DENND1B: variants seen among roughly 807,000 people sequenced by gnomAD.
DENND1B encodes the protein DENN domain containing 1B.
DENND1B carries 59 observed loss-of-function variants against 90.1 expected under a neutral mutation model. The ratio of observed to expected loss-of-function variants is 0.65; its 90% CI spans 0.53 to 0.81. The LOEUF (loss-of-function observed/expected upper bound fraction) is 0.81. DENND1B is among the 40% of genes least tolerant of loss of function. The pLI is 0.00. For synonymous variants in DENND1B, 337 were observed against 324.6 expected, an observed-to-expected ratio of 1.04 and a Z score of -0.41; for missense variants, 862 against 912.6, an observed-to-expected ratio of 0.94 and a Z score of 0.71.
At chr1:197,707,864 T>G (rs1221160855) in intron 3 of DENND1B, among the ~76,000 whole-genome samples, 3 of 147,358 alleles carry the variant, frequency 2.0e-5, no homozygotes, top group Admixed American at 2.0e-4. Context: ...CAGGCCAGTG[T>G]GTGTGCGCAC....
chr1:197,680,127 C>G (rs908996263), intron 3 of DENND1B, among the ~76,000 whole-genome samples: 1 of 152,024 alleles, frequency 6.6e-6, no homozygotes, highest in East Asian at 1.9e-4. Flanking sequence ...GGGACCCTCT[C>G]TCTTAAAAAA....
At chr1:197,762,075 T>TAAGG in intron 2 of DENND1B, 1 of 152,152 alleles carries the variant, frequency 6.6e-6, no homozygotes, top group Non-Finnish European at 1.5e-5. Flanking sequence ...GTAATAACAA[T>TAAGG]ATAACTTATA....
chr1:197,743,534 G>T (rs1004670735), intron 2 of DENND1B, among the ~76,000 whole-genome samples: 1 of 152,158 alleles, frequency 6.6e-6, no homozygotes, highest in Non-Finnish European at 1.5e-5. Flanking sequence ...TCAGCCTGGG[G>T]GTTGCTGAAG....
chr1:197,691,122 T>C (rs1207853832), intron 3 of DENND1B, among the ~76,000 whole-genome samples: 2 of 151,828 alleles, frequency 1.3e-5, no homozygotes, highest in Non-Finnish European at 2.9e-5. Flanking sequence ...TACATCAAAC[T>C]AAAAATCTTC....
chr1:197,758,097 T>C (rs766094777), intron 2 of DENND1B, among the ~76,000 whole-genome samples: 27 of 152,182 alleles, frequency 1.8e-4, no homozygotes, highest in Non-Finnish European at 3.2e-4. Flanking sequence ...AAAAGTCACA[T>C]TGTAATTTTC....
intron 20 of DENND1B, among the ~76,000 whole-genome samples, chr1:197,536,137 A>AGAGAC (rs1553278716): frequency 7.9e-6 from 1 of 126,130 alleles, no homozygotes; most frequent in Non-Finnish European, 1.8e-5. Context: ...AGAGAGAGAG[A>AGAGAC]TTGAGAGAGA....
In DENND1B at chr1:197,512,930, C is replaced by G; in HGVS notation, c.1539G>C (p.Lys513Asn). 6.2e-7 allele frequency: 1 copy of G among 1,610,116 alleles called. No homozygotes were observed. Among genetic ancestry groups the G allele is most frequent in the South Asian group, 1.1e-5 (1 of 90,802 alleles). Residue 513 changes from lysine (K) to asparagine (N), a missense_variant, in exon 21 of 23, where the codon AAG becomes AAC. Transcript: ENST00000620048. ...CATCATATAGAGCACCATCAAGGCT[C>G]TTAAGAGGCCTTTTTAAGCGTGCCT... ...LAQARLKRPLKSLDGALYDDE... is the reference protein window; with the variant it reads ...LAQARLKRPLNSLDGALYDDE...
intron 5 of DENND1B, 125 bp from the exon 6 acceptor site, chr1:197,658,494 A>G (rs1654075511): frequency 1.7e-6 from 1 of 583,546 alleles, no homozygotes. Flanking sequence ...AACTATACCC[A>G]TTTTCTTTAC....
intron 7 of DENND1B, among the ~76,000 whole-genome samples, chr1:197,651,165 A>G (rs1271787421): frequency 6.6e-6 from 1 of 152,048 alleles, no homozygotes; most frequent in Non-Finnish European, 1.5e-5. Flanking sequence ...TTGCGACATT[A>G]TATTTTTTAT....
intron 14 of DENND1B, among the ~76,000 whole-genome samples, chr1:197,593,843 C>T (rs184019029): frequency 2.0e-5 from 3 of 152,092 alleles, no homozygotes; most frequent in African/African-American, 7.2e-5. Context: ...CCTTCCCATA[C>T]TGTAAACTTG....
chr1:197,640,854 C>A (rs1254684051), intron 10 of DENND1B, among the ~76,000 whole-genome samples: 2 of 152,122 alleles, frequency 1.3e-5, no homozygotes, highest in Non-Finnish European at 2.9e-5. Context: ...TGCCTATAGT[C>A]CCAGCTACTT....
chr1:197,626,967 G>A (rs893120672), intron 10 of DENND1B, among the ~76,000 whole-genome samples: 5 of 152,056 alleles, frequency 3.3e-5, no homozygotes, highest in African/African-American at 4.8e-5. Flanking sequence ...ACCCTCCCAA[G>A]ACTAAACCAG....
chr1:197,660,199 A>G (rs1654267737), intron 5 of DENND1B, among the ~76,000 whole-genome samples: 1 of 151,992 alleles, frequency 6.6e-6, no homozygotes, highest in South Asian at 2.1e-4. Flanking sequence ...AACTAGAATA[A>G]AAAGATAAAC....
chr1:197,539,921 A>C, intron 20 of DENND1B, 43 bp downstream of exon 20: 1 of 1,435,966 alleles, frequency 7.0e-7, no homozygotes, highest in Non-Finnish European at 9.7e-7. Flanking sequence ...GAATTATATA[A>C]TTTGAGAATG....
At chr1:197,625,185 G>A (rs942854677) in intron 10 of DENND1B, among the ~76,000 whole-genome samples, 6 of 152,140 alleles carry the variant, frequency 3.9e-5, no homozygotes, top group African/African-American at 1.2e-4. Flanking sequence ...TATGCCTCGA[G>A]AAGAGCAACT....
intron 14 of DENND1B, among the ~76,000 whole-genome samples, chr1:197,585,607 G>A (rs1380550452): frequency 1.3e-5 from 2 of 152,202 alleles, no homozygotes; most frequent in African/African-American, 4.8e-5. Flanking sequence ...ATCCACTTGT[G>A]ATGACACAAA....
chr1:197,540,117 T>C, intron 19 of DENND1B, 46 bp from the exon 20 acceptor site: 1 of 1,331,396 alleles, frequency 7.5e-7, no homozygotes, highest in Non-Finnish European at 1.1e-6. Context: ...AGTACTCCTT[T>C]TATTACTAAC....
Position 197,559,070 on chromosome 1 carries a change from G to A in DENND1B, c.1150-5958C>T, listed in dbSNP as rs1306857982. Among the ~76,000 whole-genome samples the A allele has an allele frequency of 2.0e-5, 3 of 151,994 alleles. No homozygotes were observed. The East Asian group carries it at 5.8e-4, about 29-fold the overall frequency. On this transcript the variant is annotated intron_variant, in intron 15 of 22. Transcript: ENST00000620048. ...GTAGGAATGTATATGTCCTCTAAGAGATAAGTCATATGCCTTTTACAATTC... is the reference window on the plus strand; with the variant it reads ...GTAGGAATGTATATGTCCTCTAAGAAATAAGTCATATGCCTTTTACAATTC...
At chr1:197,535,745 G>T (rs1235198331) in intron 20 of DENND1B, among the ~76,000 whole-genome samples, 3 of 152,084 alleles carry the variant, frequency 2.0e-5, no homozygotes, top group African/African-American at 7.2e-5. Context: ...TGTGTCCTTG[G>T]TAACATGGTA....
Sources: allele counts gnomAD v4.1 joint callset (sites outside exome capture counted in the v4.1 genomes callset), GRCh38; gene constraint gnomAD v4.1.1; transcripts MANE v1.5; gene names NCBI Gene and HGNC (gene_info 2026-07-23, HGNC 2026-07-21).